The following MAMDC2 variants were observed in gnomAD, a reference collection of about 807,000 sequenced individuals.
MAMDC2 encodes the protein MAM domain-containing protein 2.
MAMDC2 carries 57 observed loss-of-function variants against 89.8 expected under a neutral mutation model. The ratio of observed to expected loss-of-function variants is 0.63; its 90% confidence interval spans 0.51 to 0.79. MAMDC2 has a LOEUF of 0.79. MAMDC2 is among the 30% of genes least tolerant of loss of function. MAMDC2 has a pLI of 0.00. For missense variants in MAMDC2, 800 were observed against 820.6 expected, an observed-to-expected ratio of 0.97 and a Z score of 0.31; for synonymous variants, 313 against 293.4, an observed-to-expected ratio of 1.07 and a Z score of -0.68.
At chr9:70,115,576 G>A (rs1223810404) in intron 5 of MAMDC2, among the ~76,000 whole-genome samples, 4 of 152,138 alleles carry the variant, frequency 2.6e-5, no homozygotes, top group African/African-American at 4.8e-5. Flanking sequence ...GGCTGGTCTC[G>A]AACTCCTGAC....
At chr9:70,221,103 T>C (rs7041843) in intron 12 of MAMDC2, among the ~76,000 whole-genome samples, 118,503 of 151,212 alleles carry the variant, frequency 0.78, 46,576 homozygotes, top group Admixed American at 0.83. Flanking sequence ...TATTGTCCAT[T>C]TACTATTCTA....
At chr9:70,115,267 G>A (rs1287921227) in intron 5 of MAMDC2, among the ~76,000 whole-genome samples, 2 of 151,942 alleles carry the variant, frequency 1.3e-5, no homozygotes, top group African/African-American at 4.8e-5. Context: ...GATGCATCTG[G>A]GGTCACTTAC....
intron 5 of MAMDC2, among the ~76,000 whole-genome samples, chr9:70,119,338 C>T (rs2030178816): frequency 6.6e-6 from 1 of 152,130 alleles, no homozygotes; most frequent in South Asian, 2.1e-4. Context: ...TTAATTCCAT[C>T]AAACATCATG....
At chr9:70,225,188 G>A (rs1490714209) in intron 12 of MAMDC2, among the ~76,000 whole-genome samples, 1 of 152,134 alleles carries the variant, frequency 6.6e-6, no homozygotes, top group Non-Finnish European at 1.5e-5. Context: ...TTATAAAACT[G>A]ATTCTCTCTT....
At chr9:70,158,446 T>C (rs1243455889) in intron 9 of MAMDC2, among the ~76,000 whole-genome samples, 1 of 151,692 alleles carries the variant, frequency 6.6e-6, no homozygotes, top group Non-Finnish European at 1.5e-5. Context: ...TTTATATATA[T>C]ACATATATGC....
chr9:70,071,497 A>G (rs1827407612), intron 2 of MAMDC2: 1 of 152,192 alleles, frequency 6.6e-6, no homozygotes, highest in South Asian at 2.1e-4. Context: ...CTGAATTGTC[A>G]TATGCCTTAC....
At chr9:70,222,416 TG>T (rs1027491794) in intron 12 of MAMDC2, among the ~76,000 whole-genome samples, 2 of 152,082 alleles carry the variant, frequency 1.3e-5, no homozygotes, top group African/African-American at 4.8e-5. Flanking sequence ...ACAGCTTGAA[TG>T]GGGGTGGGCA....
chr9:70,058,226 G>A lies in MAMDC2; in HGVS notation c.148+13529G>A, dbSNP rs187258612. 1.6e-4 allele frequency among the ~76,000 whole-genome samples: 24 copies of A among 152,276 alleles called. 1 individual carries two copies. In the East Asian group the frequency reaches 2.7e-3, roughly 17 times the overall value. On this transcript the variant is annotated intron_variant, in intron 2 of 13. Transcript: ENST00000377182. Reference sequence around the variant, plus strand: ...TATTTAATTCTTATAATCCCCCTATGAAGAAAATGTTCTTTACAGATGAAG... The same window carrying A: ...TATTTAATTCTTATAATCCCCCTATAAAGAAAATGTTCTTTACAGATGAAG...
At chr9:70,056,124 T>C (rs1181865855) in intron 2 of MAMDC2, among the ~76,000 whole-genome samples, 1 of 152,236 alleles carries the variant, frequency 6.6e-6, no homozygotes, top group Admixed American at 6.5e-5. Flanking sequence ...GACTTTAATA[T>C]GCTTTTGCTT....
intron 9 of MAMDC2, among the ~76,000 whole-genome samples, chr9:70,167,280 A>C (rs1178535695): frequency 6.6e-6 from 1 of 152,222 alleles, no homozygotes; most frequent in Non-Finnish European, 1.5e-5. Context: ...ATTAGTAATT[A>C]TCCAGAAGGT....
chr9:70,220,927 A>G (rs1170923917), intron 12 of MAMDC2, among the ~76,000 whole-genome samples: 2 of 152,178 alleles, frequency 1.3e-5, no homozygotes, highest in Non-Finnish European at 2.9e-5. Context: ...TATAAACTTT[A>G]AAGTATCAAA....
intron 9 of MAMDC2, among the ~76,000 whole-genome samples, chr9:70,151,427 G>A (rs2031575668): frequency 6.6e-6 from 1 of 152,206 alleles, no homozygotes; most frequent in Non-Finnish European, 1.5e-5. Context: ...TGTATCCACA[G>A]CATCTAGCAC....
chr9:70,087,835 G>C (rs1827804348), intron 2 of MAMDC2, among the ~76,000 whole-genome samples: 1 of 152,132 alleles, frequency 6.6e-6, no homozygotes, highest in Non-Finnish European at 1.5e-5. Flanking sequence ...TAGAAACAAA[G>C]GCAAGAGAAC....
At chr9:70,088,274 A>G (rs903675741) in intron 2 of MAMDC2, 8 of 152,154 alleles carry the variant, frequency 5.3e-5, no homozygotes, top group African/African-American at 1.9e-4. Context: ...AGGTGAAGAA[A>G]GGTAAGAACA....
chr9:70,181,947 A>G (rs2032654335), intron 11 of MAMDC2, among the ~76,000 whole-genome samples: 1 of 152,170 alleles, frequency 6.6e-6, no homozygotes, highest in African/African-American at 2.4e-5. Context: ...TTCAAAGGGA[A>G]TGCTTCCAGC....
chr9:70,140,157 G>A lies in MAMDC2; in HGVS notation c.1007G>A (p.Ser336Asn). 6.3e-7 allele frequency: 1 copy of A among 1,586,434 alleles called. No individual in the cohort carries two copies. Among genetic ancestry groups the A allele is most frequent in the Non-Finnish European group, 8.5e-7 (1 of 1,171,292 alleles). ...GTCCTTTGCTCAGAACTTCTGTTCAGTGCCGTGGAAGCCAGCTGCAATTTT... is the reference window on the plus strand; with the variant it reads ...GTCCTTTGCTCAGAACTTCTGTTCAATGCCGTGGAAGCCAGCTGCAATTTT... Reference protein sequence around the residue: ...HCQNQTELLFSAVEASCNFEQ... With the variant: ...HCQNQTELLFNAVEASCNFEQ... Residue 336 changes from serine to asparagine, a missense_variant, in exon 8 of 14, where the codon AGT (serine) becomes AAT (asparagine). Transcript: ENST00000377182.
chr9:70,133,720 T>C (rs1268053406), intron 7 of MAMDC2, among the ~76,000 whole-genome samples: 1 of 152,220 alleles, frequency 6.6e-6, no homozygotes, highest in African/African-American at 2.4e-5. Context: ...AGCTGTTTCA[T>C]AGACTTGTTG....
At chr9:70,149,314 T>C (rs2031511439) in intron 9 of MAMDC2, among the ~76,000 whole-genome samples, 2 of 151,988 alleles carry the variant, frequency 1.3e-5, no homozygotes, top group South Asian at 4.2e-4. Context: ...GAGACTTACT[T>C]GCAGGAAGTT....
At chr9:70,101,015 G>A (rs1234919351) in intron 2 of MAMDC2, among the ~76,000 whole-genome samples, 2 of 152,166 alleles carry the variant, frequency 1.3e-5, no homozygotes, top group Non-Finnish European at 1.5e-5. Flanking sequence ...TCAACGATGG[G>A]CATATATGAT....
Sources: allele counts gnomAD v4.1 joint callset (sites outside exome capture counted in the v4.1 genomes callset), GRCh38; gene constraint gnomAD v4.1.1; transcripts MANE v1.5; gene names NCBI Gene and HGNC (gene_info 2026-07-23, HGNC 2026-07-21).